GPHN: variants seen among roughly 807,000 people sequenced by gnomAD.
GPHN encodes gephyrin.
A neutral mutation model predicts 95.5 loss-of-function variants in GPHN; 17 were observed. That is an observed-to-expected ratio of 0.18 (90% CI 0.12 to 0.27). The LOEUF is 0.27. GPHN is among the 10% of genes least tolerant of loss of function. GPHN has a pLI of 1.00. For missense variants in GPHN, 660 were observed against 978.1 expected, an observed-to-expected ratio of 0.67 and a Z score of 4.34; for synonymous variants, 320 against 322.5, an observed-to-expected ratio of 0.99 and a Z score of 0.08.
At chr14:66,994,092 G>T (rs186755983) in intron 9 of GPHN, among the ~76,000 whole-genome samples, 1 of 152,004 alleles carries the variant, frequency 6.6e-6, no homozygotes, top group East Asian at 1.9e-4. Flanking sequence ...ATGGCCAAGC[G>T]CAGTGGCTCA....
At chr14:67,556,416 G>C in the GPHN span, among the ~76,000 whole-genome samples, 1 of 152,128 alleles carries the variant, frequency 6.6e-6, no homozygotes, top group African/African-American at 2.4e-5. Context: ...GATTACAGGC[G>C]TGAGCCACTG....
At position 66,813,780 on chromosome 14, in the gene GPHN, A is replaced by C. The variant is rs575967931; in HGVS notation, c.202-10694A>C. 5.3e-5 allele frequency among the ~76,000 whole-genome samples: 8 copies of C among 152,306 alleles called. No individual in the cohort carries two copies. In the South Asian group the frequency reaches 1.7e-3, roughly 32 times the overall value. ...TCTGTCCAGGGAAGTCTTGCGCAAC[A>C]GACAGGGCTGGTCTGACCTGAGCCC... On this transcript the variant is annotated intron_variant, in intron 3 of 22. Coordinates refer to ENST00000478722, the MANE Select transcript of GPHN (RefSeq NM_020806.5).
chr14:67,321,294 A>G, the GPHN span: 1 of 1,600,440 alleles, frequency 6.2e-7, no homozygotes, highest in Non-Finnish European at 8.6e-7. Context: ...GTTTGAACTT[A>G]GAAGGAATGT....
the GPHN span, chr14:67,334,850 A>G: frequency 6.6e-6 from 1 of 152,238 alleles, no homozygotes. Flanking sequence ...CGTCTCAGGA[A>G]TGAAGTGTAG....
At chr14:66,983,739 A>G (rs1438587843) in intron 9 of GPHN, among the ~76,000 whole-genome samples, 2 of 152,134 alleles carry the variant, frequency 1.3e-5, no homozygotes, top group African/African-American at 4.8e-5. Flanking sequence ...CTTATAATTC[A>G]TTGTTTAAGT....
chr14:67,226,024 G>C, the GPHN span, among the ~76,000 whole-genome samples: 14 of 151,890 alleles, frequency 9.2e-5, no homozygotes, highest in South Asian at 1.3e-3. Flanking sequence ...AGTATTGAAG[G>C]GGGGAGGTTG....
the GPHN span, among the ~76,000 whole-genome samples, chr14:67,721,983 GA>G: frequency 3.3e-5 from 5 of 152,074 alleles, no homozygotes; most frequent in Non-Finnish European, 5.9e-5. Context: ...ATAAAATGCA[GA>G]AAAGTGCACA....
At chr14:66,801,464 G>A (rs1208382664) in intron 3 of GPHN, among the ~76,000 whole-genome samples, 1 of 152,050 alleles carries the variant, frequency 6.6e-6, no homozygotes, top group Non-Finnish European at 1.5e-5. Flanking sequence ...TCTTATACAA[G>A]ATCCTAAAGA....
chr14:67,633,559 A>T, the GPHN span, among the ~76,000 whole-genome samples: 8 of 151,794 alleles, frequency 5.3e-5, no homozygotes, highest in Non-Finnish European at 1.0e-4. Context: ...ATTGCTGGAC[A>T]CTCTGTTCCC....
intron 1 of GPHN, among the ~76,000 whole-genome samples, chr14:66,575,280 G>A (rs1006784299): frequency 6.6e-6 from 1 of 152,096 alleles, no homozygotes; most frequent in African/African-American, 2.4e-5. Context: ...AGCCTGCGAG[G>A]TTTCTGCTGA....
intron 1 of GPHN, among the ~76,000 whole-genome samples, chr14:66,663,823 G>A (rs980080883): frequency 1.5e-5 from 2 of 132,580 alleles, no homozygotes; most frequent in African/African-American, 7.5e-5. Flanking sequence ...AAAAGCAGGG[G>A]TTGCAATCCT....
chr14:67,727,118 A>T, the GPHN span: 1 of 1,614,208 alleles, frequency 6.2e-7, no homozygotes, highest in South Asian at 1.1e-5. Flanking sequence ...GCGCTACAGC[A>T]GGGGTTTTGC....
chr14:66,609,059 A>G (rs67048421), intron 1 of GPHN, among the ~76,000 whole-genome samples: 50,294 of 151,974 alleles, frequency 0.33, 12,325 homozygotes, highest in African/African-American at 0.67. Context: ...AGTTGTTTGC[A>G]TAGCTGCTTT....
chr14:67,112,764 A>G (rs111909144), intron 15 of GPHN, among the ~76,000 whole-genome samples: 71 of 152,362 alleles, frequency 4.7e-4, no homozygotes, highest in African/African-American at 1.4e-3. Context: ...AAAAATTTCA[A>G]ATATGAAGTA....
the GPHN span, chr14:67,303,449 A>C: frequency 8.4e-7 from 1 of 1,196,548 alleles, no homozygotes; most frequent in Non-Finnish European, 1.2e-6. Flanking sequence ...AGTTTAGGGA[A>C]TATAGATCAT....
At chr14:66,991,045 A>G (rs2071385310) in intron 9 of GPHN, among the ~76,000 whole-genome samples, 1 of 152,060 alleles carries the variant, frequency 6.6e-6, no homozygotes, top group South Asian at 2.1e-4. Context: ...ACAATATAAA[A>G]TAGAATATTC....
intron 18 of GPHN, among the ~76,000 whole-genome samples, chr14:67,153,347 A>G (rs1268146563): frequency 6.6e-6 from 1 of 152,212 alleles, no homozygotes; most frequent in Non-Finnish European, 1.5e-5. Flanking sequence ...GAAGGTTGGG[A>G]AATCCAAGAT....
intron 18 of GPHN, among the ~76,000 whole-genome samples, chr14:67,143,988 A>G (rs1054504121): frequency 3.3e-5 from 5 of 151,346 alleles, no homozygotes; most frequent in African/African-American, 4.9e-5. Flanking sequence ...TGTAATTCCA[A>G]TACTTTGGGA....
the GPHN span, chr14:67,303,970 G>A: frequency 5.3e-6 from 1 of 187,526 alleles, no homozygotes; most frequent in Non-Finnish European, 1.1e-5. Flanking sequence ...GTTTTGCCAT[G>A]TTGGCCAGGC....
Sources: allele counts gnomAD v4.1 joint callset (sites outside exome capture counted in the v4.1 genomes callset), GRCh38; gene constraint gnomAD v4.1.1; transcripts MANE v1.5; gene names NCBI Gene and HGNC (gene_info 2026-07-23, HGNC 2026-07-21).